Variants in ADCY3 observed in about 807,000 individuals in gnomAD.
ADCY3 encodes adenylate cyclase type 3.
In ADCY3, 70 loss-of-function variants were observed where a neutral mutation model predicts 119.4. The observed-to-expected ratio is 0.59, with a 90% CI of 0.48 to 0.72. ADCY3 has a LOEUF of 0.72. Among genes scored for constraint, ADCY3 ranks in the 30% least tolerant of loss-of-function variants. The probability of loss-of-function intolerance (pLI) is 0.00; values close to 1 mark genes in which losing one functional copy is unlikely to be tolerated. For missense variants in ADCY3, 1,238 were observed against 1,541.6 expected, an observed-to-expected ratio of 0.80 and a Z score of 3.30; for synonymous variants, 672 against 621.4, an observed-to-expected ratio of 1.08 and a Z score of -1.21.
In ADCY3 at chr2:24,878,663, T is replaced by C. The variant is rs1383866481; in HGVS notation, c.676-5944A>G. Among the ~76,000 whole-genome samples the C allele has an allele frequency of 2.0e-5, 3 of 152,002 alleles. No individual in the cohort carries two copies. The highest frequency in any genetic ancestry group is 4.4e-5 in the Non-Finnish European group (3 of 67,994). The stretch of plus-strand genomic sequence containing the variant: ...AGGAAGGAGGAGGGGAGGTGGCCCC[T>C]CCAAAGGCAACCAGCCTTCTCCCAC... On this transcript the variant is annotated intron_variant, in intron 2 of 21. Transcript: ENST00000679454. The surrounding 1 kb of genome is among the most constrained non-coding windows in gnomAD (Gnocchi z 4.0).
chr2:24,879,751 C>G (rs1676165293), intron 2 of ADCY3, among the ~76,000 whole-genome samples: 1 of 152,184 alleles, frequency 6.6e-6, no homozygotes, highest in Non-Finnish European at 1.5e-5. Context: ...AACCCAGACC[C>G]CCTTACCCCG....
Position 24,839,907 on chromosome 2 carries a change from C to T in ADCY3, c.1321G>A (p.Val441Ile), listed in dbSNP as rs1377036675. The change falls in exon 7 of 22, where the codon GTA becomes ATA. Residue 441 changes from valine (V) to isoleucine (I), a missense_variant. Around this residue, in one of 7 missense-constraint regions of ADCY3, gnomAD observed 283 missense variants for 437.2 expected, o/e 0.65. Coordinates refer to ENST00000679454, the MANE Select transcript of ADCY3 (RefSeq NM_004036.5). Reference sequence around the variant, plus strand: ...CCGCCGGCCTCCATCTTGTTGGCTACAGTGACATCAGTCGACCACACGTCG... The same window carrying T: ...CCGCCGGCCTCCATCTTGTTGGCTATAGTGACATCAGTCGACCACACGTCG... The part of the protein sequence containing the change: ...QYDVWSTDVT[V>I]ANKMEAGGIP... 6.2e-7 allele frequency: 1 copy of T among 1,613,768 alleles called. No homozygotes were observed. The highest frequency in any genetic ancestry group is 1.1e-5 in the South Asian group (1 of 91,096).
chr2:24,867,545 C>A (rs1461735228), intron 3 of ADCY3, among the ~76,000 whole-genome samples: 1 of 152,234 alleles, frequency 6.6e-6, no homozygotes, highest in Non-Finnish European at 1.5e-5. Flanking sequence ...TAGTAAATTT[C>A]TGTTCTTTAT....
chr2:24,819,664 G>GACGTCCCA lies in ADCY3; in HGVS notation c.*267_*268insTGGGACGT. On this transcript the variant is annotated 3_prime_UTR_variant, in exon 22 of 22. Transcript: ENST00000679454. ...CTCACAGTGGTCAGGGCCCCTCAGG[G>GACGTCCCA]GCAAGGACGGCAGGGATTGGAACGA... 2.7e-6 allele frequency: 1 copy of GACGTCCCA among 366,584 alleles called. No individual in the cohort carries two copies. Among genetic ancestry groups the GACGTCCCA allele is most frequent in the Non-Finnish European group, 4.9e-6 (1 of 203,136 alleles). The allele number at this position is 366,584 out of a possible 1,614,324, so 22.7% of individuals were successfully genotyped here. A position where few individuals can be genotyped will look rare whatever the true frequency, so the allele number is the denominator to read the frequency against.
In ADCY3 at chr2:24,842,375, T is replaced by A. The variant is rs1671114583; in HGVS notation, c.835A>T (p.Met279Leu). The change falls in exon 4 of 22, where the codon ATG (methionine) becomes TTG (leucine). Residue 279 changes from methionine to leucine, a missense_variant. By Grantham distance (15) the Met-to-Leu change is conservative. Around this residue, in one of 7 missense-constraint regions of ADCY3, gnomAD observed 283 missense variants for 437.2 expected, o/e 0.65. Coordinates refer to ENST00000679454, the MANE Select transcript of ADCY3 (RefSeq NM_004036.5). This position sits in a 1 kb window ranked among gnomAD's most constrained non-coding sequence, Gnocchi z 4.9. ...EEQSQQQENL[M>L]LSILPKHVAD... ...ACGTGCTTGGGCAGGATGGAAAGCA[T>A]GAGGTTCTCCTGTGAGGGGCAGGAG... 6.2e-7 allele frequency: 1 copy of A among 1,614,008 alleles called. No individual in the cohort carries two copies. The highest frequency in any genetic ancestry group is 1.7e-5 in the Admixed American group (1 of 59,998).
At chr2:24,895,537 A>G (rs1391199346) in intron 2 of ADCY3, among the ~76,000 whole-genome samples, 1 of 152,006 alleles carries the variant, frequency 6.6e-6, no homozygotes, top group South Asian at 2.1e-4. Context: ...TGAGACTTCA[A>G]TTAAACATAT....
At chr2:24,881,342 G>A (rs1254742199) in intron 2 of ADCY3, among the ~76,000 whole-genome samples, 1 of 152,214 alleles carries the variant, frequency 6.6e-6, no homozygotes, top group Non-Finnish European at 1.5e-5. Flanking sequence ...GGGCTGTTAT[G>A]CAGCATTAGG....
chr2:24,853,467 C>CTTTT (rs745408152), intron 3 of ADCY3, among the ~76,000 whole-genome samples: 33 of 115,228 alleles, frequency 2.9e-4, no homozygotes, highest in East Asian at 1.5e-3. Context: ...CGCGCCTCAT[C>CTTTT]TTTTTTTTTT....
intron 7 of ADCY3, 54 bp from the exon 8 acceptor site, chr2:24,838,676 C>G (rs572195137): frequency 1.9e-6 from 3 of 1,607,138 alleles, no homozygotes; most frequent in South Asian, 2.2e-5. Flanking sequence ...CCCTCACACC[C>G]CCAGGGGACA....
chr2:24,915,008 C>T (rs1215332490), intron 2 of ADCY3, among the ~76,000 whole-genome samples: 1 of 152,216 alleles, frequency 6.6e-6, no homozygotes. Context: ...GGCCTCTGAC[C>T]TCTCAGGCTG....
chr2:24,836,620 T>A (rs760494104), intron 9 of ADCY3, among the ~76,000 whole-genome samples: 1 of 152,202 alleles, frequency 6.6e-6, no homozygotes, highest in Admixed American at 6.5e-5. Context: ...TAATTTTCCA[T>A]GGATGTCCTC....
intron 2 of ADCY3, among the ~76,000 whole-genome samples, chr2:24,875,985 T>G (rs1448104490): frequency 2.6e-5 from 3 of 113,670 alleles, no homozygotes; most frequent in Admixed American, 7.6e-5. Context: ...GGACTTCTTT[T>G]TGGGAGGGGG....
intron 12 of ADCY3, among the ~76,000 whole-genome samples, chr2:24,831,215 CT>C (rs1669449576): frequency 7.2e-6 from 1 of 139,604 alleles, no homozygotes; most frequent in Non-Finnish European, 1.5e-5. Flanking sequence ...ACTGCTTTAC[CT>C]TTGTCATTCT....
At chr2:24,837,823 A>G (rs1216265233) in intron 8 of ADCY3, among the ~76,000 whole-genome samples, 1 of 152,052 alleles carries the variant, frequency 6.6e-6, no homozygotes, top group Non-Finnish European at 1.5e-5. Flanking sequence ...GTCTGTAGAT[A>G]TTCGGGGGAT....
At chr2:24,859,018 C>T (rs1159814906) in intron 3 of ADCY3, among the ~76,000 whole-genome samples, 1 of 152,244 alleles carries the variant, frequency 6.6e-6, no homozygotes, top group Non-Finnish European at 1.5e-5. Context: ...TTGGAACCAA[C>T]AGAAGGACCA....
At chr2:24,831,928 ACAGTGGC>A (rs1343066040) in intron 11 of ADCY3, among the ~76,000 whole-genome samples, 179 bp from the exon 12 acceptor site, 1 of 33,396 alleles carries the variant, frequency 3.0e-5, no homozygotes, top group East Asian at 2.3e-3. Flanking sequence ...GGGACAGCGG[ACAGTGGC>A]CAGGGGACAG....
chr2:24,849,367 G>T (rs1389010782), intron 3 of ADCY3, among the ~76,000 whole-genome samples: 2 of 152,168 alleles, frequency 1.3e-5, no homozygotes, highest in East Asian at 3.9e-4. Context: ...AACAAAAGTA[G>T]CGGCAGAGGC....
chr2:24,831,273 G>A (rs550475838), intron 12 of ADCY3, among the ~76,000 whole-genome samples: 38 of 151,190 alleles, frequency 2.5e-4, no homozygotes, highest in African/African-American at 9.2e-4. Flanking sequence ...TGCCTTACAG[G>A]AGAAAGTTTT....
chr2:24,819,948 A>G lies in ADCY3; in HGVS notation c.3419T>C (p.Val1140Ala). Residue 1140 changes from valine to alanine, a missense_variant, in exon 22 of 22, where the codon GTG becomes GCG. Physicochemically the swap from Val to Ala is moderately conservative, Grantham distance 64 (BLOSUM62 0). Transcript: ENST00000679454. ...NGPSVTLPHQ[V>A]VDNS is the part of the protein sequence containing the mutation. ...CGAGGCCATTCAGGAGTTGTCCACCACCTGGTGGGGCAGTGTGACAGAGGG... is the reference window on the plus strand; with the variant it reads ...CGAGGCCATTCAGGAGTTGTCCACCGCCTGGTGGGGCAGTGTGACAGAGGG... 1 of 1,613,828 alleles carries G rather than the reference A, an allele frequency of 6.2e-7. No homozygotes were observed. The highest frequency in any genetic ancestry group is 8.5e-7 in the Non-Finnish European group (1 of 1,179,898).
Sources: allele counts gnomAD v4.1 joint callset (sites outside exome capture counted in the v4.1 genomes callset), GRCh38; gene constraint gnomAD v4.1.1; regional missense constraint gnomAD v4.1.1; non-coding constraint Gnocchi (gnomAD v3.1); transcripts MANE v1.5; gene names NCBI Gene and HGNC (gene_info 2026-07-23, HGNC 2026-07-21).